TPH2: variants seen among roughly 807,000 people sequenced by gnomAD.
The protein encoded by TPH2 is tryptophan 5-hydroxylase 2.
A neutral mutation model predicts 59.1 loss-of-function variants in TPH2; 27 were observed. The observed-to-expected ratio is 0.46, with a 90% confidence interval of 0.34 to 0.63. The LOEUF (loss-of-function observed/expected upper bound fraction) is 0.63. Among genes scored for constraint, TPH2 ranks in the 30% least tolerant of loss-of-function variants. The pLI is 0.01. For missense variants in TPH2, 523 were observed against 588.3 expected, an observed-to-expected ratio of 0.89 and a Z score of 1.15; for synonymous variants, 220 against 210.5, an observed-to-expected ratio of 1.05 and a Z score of -0.39.
chr12:72,022,639 C>G, intron 9 of TPH2, 145 bp downstream of exon 9: 1 of 746,066 alleles, frequency 1.3e-6, no homozygotes, highest in Non-Finnish European at 2.3e-6. Flanking sequence ...GATGTGGGTG[C>G]CGACCTCACT....
chr12:72,017,498 G>A (rs868099836), intron 8 of TPH2, among the ~76,000 whole-genome samples: 1 of 152,052 alleles, frequency 6.6e-6, no homozygotes, highest in African/African-American at 2.4e-5. Context: ...GTCATTAATA[G>A]TATGTAAAAT....
At chr12:71,948,757 CT>C (rs1400274945) in intron 4 of TPH2, among the ~76,000 whole-genome samples, 1 of 152,188 alleles carries the variant, frequency 6.6e-6, no homozygotes, top group Non-Finnish European at 1.5e-5. Context: ...GCAATAACTC[CT>C]TCTGAGCTTC....
chr12:71,999,550 G>A (rs547294427), intron 8 of TPH2, among the ~76,000 whole-genome samples: 2 of 152,298 alleles, frequency 1.3e-5, no homozygotes, highest in East Asian at 1.9e-4. Context: ...TACCACTGTA[G>A]CACTAGTGGA....
chr12:71,975,807 G>A (rs1402643514), intron 6 of TPH2, among the ~76,000 whole-genome samples: 1 of 152,188 alleles, frequency 6.6e-6, no homozygotes, highest in African/African-American at 2.4e-5. Flanking sequence ...CACTTAATTA[G>A]CACCTAATTA....
intron 4 of TPH2, among the ~76,000 whole-genome samples, chr12:71,946,845 A>G (rs1871209298): frequency 6.6e-6 from 1 of 152,110 alleles, no homozygotes; most frequent in South Asian, 2.1e-4. Context: ...CAGGGGGCAA[A>G]CTAATCACCT....
At chr12:72,026,790 G>T (rs927083207) in intron 9 of TPH2, among the ~76,000 whole-genome samples, 1 of 152,126 alleles carries the variant, frequency 6.6e-6, no homozygotes, top group African/African-American at 2.4e-5. Context: ...AAGCCTAATC[G>T]CTAATTTAAA....
At chr12:71,952,538 G>C (rs931884450) in intron 5 of TPH2, among the ~76,000 whole-genome samples, 1 of 152,086 alleles carries the variant, frequency 6.6e-6, no homozygotes, top group Admixed American at 6.6e-5. Flanking sequence ...ATAACCTTAG[G>C]CTACTTGGTG....
chr12:71,964,648 C>A, intron 5 of TPH2: 1 of 985,312 alleles, frequency 1.0e-6, no homozygotes, highest in Non-Finnish European at 1.2e-6. Flanking sequence ...CTAGGTAACA[C>A]TATGGTTACT....
At chr12:71,966,715 G>C (rs868758507) in intron 5 of TPH2, among the ~76,000 whole-genome samples, 3 of 152,176 alleles carry the variant, frequency 2.0e-5, no homozygotes, top group South Asian at 4.1e-4. Flanking sequence ...AAATCCGGCT[G>C]TTTTCAAAGA....
intron 8 of TPH2, among the ~76,000 whole-genome samples, chr12:72,014,755 C>A (rs1873196196): frequency 6.6e-6 from 1 of 151,992 alleles, no homozygotes; most frequent in African/African-American, 2.4e-5. Flanking sequence ...GTTGTTGATG[C>A]CTTAGTGTGA....
At chr12:71,941,360 C>G (rs1871059203) in intron 1 of TPH2, among the ~76,000 whole-genome samples, 2 of 152,074 alleles carry the variant, frequency 1.3e-5, no homozygotes, top group African/African-American at 4.8e-5. Context: ...CTTTTAATTT[C>G]AACCACTAGA....
chr12:71,954,742 G>C (rs1871446331), intron 5 of TPH2, among the ~76,000 whole-genome samples: 1 of 152,114 alleles, frequency 6.6e-6, no homozygotes, highest in Admixed American at 6.5e-5. Context: ...AACAATCAGT[G>C]ATACGTTTTT....
chr12:71,954,457 C>T (rs972813116), intron 5 of TPH2, among the ~76,000 whole-genome samples: 1 of 152,116 alleles, frequency 6.6e-6, no homozygotes, highest in Non-Finnish European at 1.5e-5. Context: ...TGCCTCTCCT[C>T]CCCCGCCCAA....
chr12:71,944,464 G>C lies in TPH2; in HGVS notation c.426G>C (p.Trp142Cys). The change falls in exon 3 of 11, where the codon TGG becomes TGC. Residue 142 changes from tryptophan (W) to cysteine (C), a missense_variant. Trp to Cys is a radical substitution (Grantham distance 215, BLOSUM62 -2). Coordinates refer to ENST00000333850, the MANE Select transcript of TPH2 (RefSeq NM_173353.4). ...CGCTGAATCCTCCAGAGAACATTTGGACAGAGGAAGAAGGCAAGGGTGGTC... is the reference window on the plus strand; with the variant it reads ...CGCTGAATCCTCCAGAGAACATTTGCACAGAGGAAGAAGGCAAGGGTGGTC... ...IVTLNPPENI[W>C]TEEEELEDVP... 1.2e-6 allele frequency: 2 copies of C among 1,613,956 alleles called. No individual in the cohort carries two copies. Among genetic ancestry groups the C allele is most frequent in the Non-Finnish European group, 1.7e-6 (2 of 1,179,878 alleles).
Position 71,949,670 on chromosome 12 carries a change from A to G in TPH2, c.608+15A>G. 2 of 1,605,624 alleles carry G rather than the reference A, an allele frequency of 1.2e-6. No homozygotes were observed. Among genetic ancestry groups the G allele is most frequent in the Non-Finnish European group, 1.7e-6 (2 of 1,172,444 alleles). ...GGTTATAAATAGTAAGTACCTGTAT[A>G]ACTCTTTCTTGTCACTGGCTAGTTA... On this transcript the variant is annotated intron_variant, in intron 5 of 10. Transcript: ENST00000333850.
In TPH2 at chr12:72,031,649, C is replaced by G. The variant is rs769557162; in HGVS notation, c.1427C>G (p.Thr476Arg). Residue 476 changes from threonine to arginine, a missense_variant, in exon 11 of 11, where the codon ACA becomes AGA. Physicochemically the swap from Thr to Arg is moderately conservative, Grantham distance 71. Transcript: ENST00000333850. ...VVQDLRSDLN[T>R]VCDALNKMNQ... ...CAGGACCTTCGCAGCGACTTGAATA[C>G]AGTGTGTGATGCTTTAAACAAAATG... 1.2e-6 allele frequency: 2 copies of G among 1,613,598 alleles called. No homozygotes were observed. The highest frequency in any genetic ancestry group is 2.2e-5 in the South Asian group (2 of 91,068).
At chr12:71,949,521 TC>T (rs1871286802) in intron 4 of TPH2, 66 bp from the exon 5 acceptor site, 1 of 1,348,136 alleles carries the variant, frequency 7.4e-7, no homozygotes, top group Admixed American at 1.7e-5. Context: ...ACAGTGATTT[TC>T]TTTTAGGTCT....
chr12:71,978,842 C>T, intron 6 of TPH2, 110 bp from the exon 7 acceptor site: 1 of 1,396,062 alleles, frequency 7.2e-7, no homozygotes, highest in South Asian at 1.2e-5. Flanking sequence ...AGGTTTATGA[C>T]CTTGATTACT....
Position 72,031,790 on chromosome 12 carries a change from C to T in TPH2, c.*95C>T. 1 of 1,455,004 alleles carries T rather than the reference C, an allele frequency of 6.9e-7. No homozygotes were observed. The allele number at this position is 1,455,004 out of a possible 1,614,324, so 90.1% of individuals were successfully genotyped here. On this transcript the variant is annotated 3_prime_UTR_variant, in exon 11 of 11. Transcript: ENST00000333850. ...ACGCAAATAACCTTCTGTGTCATGGCTTGGCTAATAAGCATGCAATTCCAT... is the reference window on the plus strand; with the variant it reads ...ACGCAAATAACCTTCTGTGTCATGGTTTGGCTAATAAGCATGCAATTCCAT...
Sources: allele counts gnomAD v4.1 joint callset (sites outside exome capture counted in the v4.1 genomes callset), GRCh38; gene constraint gnomAD v4.1.1; transcripts MANE v1.5; gene names NCBI Gene and HGNC (gene_info 2026-07-23, HGNC 2026-07-21).